The following ANK2 variants were observed in gnomAD, a reference collection of about 807,000 sequenced individuals.
ANK2 encodes the protein ankyrin 2.
ANK2 carries 83 observed loss-of-function variants against 360.5 expected under a neutral mutation model. That is an observed-to-expected ratio of 0.23 (90% confidence interval 0.19 to 0.28). The LOEUF is 0.28. ANK2 is among the 10% of genes least tolerant of loss of function. The pLI is 1.00. For missense variants in ANK2, 4,201 were observed against 4,795.7 expected (o/e 0.88, Z 3.66); for synonymous variants, 1,740 against 1,759.5 (o/e 0.99, Z 0.28).
At position 112,832,295 on chromosome 4, in the gene ANK2, C is replaced by T. The variant is rs149328204; in HGVS notation, c.-40+14031C>T. ...TTCTAAATCCTGGCCTCAAGTGATCCGCCTCCCTTGGCCTTCCAAAGTGCT... is the reference window on the plus strand; with the variant it reads ...TTCTAAATCCTGGCCTCAAGTGATCTGCCTCCCTTGGCCTTCCAAAGTGCT... On this transcript the variant is annotated intron_variant, in intron 1 of 30. Transcript: ENST00000503271. 2.6e-3 allele frequency among the ~76,000 whole-genome samples: 398 copies of T among 152,256 alleles called. 4 individuals are homozygous for T. The highest frequency in any genetic ancestry group is 9.1e-3 in the African/African-American group (380 of 41,548).
intron 1 of ANK2, among the ~76,000 whole-genome samples, chr4:113,060,338 A>T (rs1015917767): frequency 6.6e-6 from 1 of 152,272 alleles, no homozygotes; most frequent in Non-Finnish European, 1.5e-5. Flanking sequence ...GTATATCTAC[A>T]TGCCAGTCTA....
chr4:113,039,964 G>A (rs2062553306), intron 2 of ANK2, among the ~76,000 whole-genome samples: 1 of 151,854 alleles, frequency 6.6e-6, no homozygotes, highest in African/African-American at 2.4e-5. Context: ...AAAAAAATTT[G>A]CGATAACTTA....
At chr4:112,860,499 A>G (rs887170281) in intron 1 of ANK2, among the ~76,000 whole-genome samples, 2 of 152,166 alleles carry the variant, frequency 1.3e-5, no homozygotes, top group African/African-American at 4.8e-5. Context: ...AAAAACTGAG[A>G]AGATTGTTTA....
chr4:112,839,304 C>A (rs114079030), intron 1 of ANK2, among the ~76,000 whole-genome samples: 1,577 of 152,036 alleles, frequency 0.01, 27 homozygotes, highest in African/African-American at 0.036. Context: ...AATATAGTAT[C>A]AGCACTGTAA....
At chr4:112,848,375 TGGTC>T (rs932432668) in intron 1 of ANK2, among the ~76,000 whole-genome samples, 3 of 152,228 alleles carry the variant, frequency 2.0e-5, no homozygotes, top group Admixed American at 6.5e-5. Flanking sequence ...TTGGCTAGGC[TGGTC>T]TCAAACTCCT....
At chr4:112,802,952 A>G in the ANK2 span, among the ~76,000 whole-genome samples, 20,227 of 152,056 alleles carry the variant, frequency 0.13, 2,120 homozygotes, top group East Asian at 0.5. Flanking sequence ...CTGATGCTCA[A>G]CTGGTACTCA....
rs545495389 is a variant in ANK2 at position 113,270,062 on chromosome 4, G to T, written c.1486-4390G>T. On this transcript the variant is annotated intron_variant, in intron 14 of 45. Transcript: ENST00000357077. ...CTTCCCCTGCCATAACATTTTTCTGGTTTCCTTTTAAGGTTACCTGGCATT... is the reference window on the plus strand; with the variant it reads ...CTTCCCCTGCCATAACATTTTTCTGTTTTCCTTTTAAGGTTACCTGGCATT... Among the ~76,000 whole-genome samples the T allele has an allele frequency of 2.6e-5, 4 of 152,052 alleles. No individual in the cohort carries two copies. The South Asian group carries it at 8.3e-4, about 32-fold the overall frequency.
chr4:113,289,407 CTG>C (rs1426556205), intron 20 of ANK2, among the ~76,000 whole-genome samples: 1 of 151,870 alleles, frequency 6.6e-6, no homozygotes, highest in Non-Finnish European at 1.5e-5. Context: ...TGAGGTTTCA[CTG>C]TGTTGCCTAG....
At chr4:113,045,482 T>G (rs1486976100), upstream of ANK2, among the ~76,000 whole-genome samples, 1 of 152,210 alleles carries the variant, frequency 6.6e-6, no homozygotes, top group Non-Finnish European at 1.5e-5. Flanking sequence ...TTTCTTACTT[T>G]GGACAAGTCA....
chr4:113,346,900 G>A (rs1019242696), intron 35 of ANK2, among the ~76,000 whole-genome samples: 1 of 152,096 alleles, frequency 6.6e-6, no homozygotes, highest in African/African-American at 2.4e-5. Flanking sequence ...AAATGTTGTG[G>A]ATAATTTATG....
At chr4:113,120,134 T>C (rs114094830) in intron 1 of ANK2, among the ~76,000 whole-genome samples, 20 of 152,252 alleles carry the variant, frequency 1.3e-4, no homozygotes, top group African/African-American at 4.8e-4. Flanking sequence ...TTAAATATGG[T>C]ATAGTACCGA....
rs362504 is a variant in ANK2, at chr4:113,242,243, T to G, written c.891+34T>G. ...CTCTGTTCTTTCAATTTTCTACCAT[T>G]ATTATTTCTTTCAAGCCTCATAGAA... On this transcript the variant is annotated intron_variant, in intron 9 of 45. Coordinates refer to ENST00000357077, the MANE Select transcript of ANK2 (RefSeq NM_001148.6). 3,737 of 1,579,980 alleles carry G rather than the reference T, an allele frequency of 2.4e-3. 99 individuals are homozygous for G. In the East Asian group the frequency reaches 0.055, roughly 23 times the overall value.
intron 2 of ANK2, among the ~76,000 whole-genome samples, chr4:113,000,588 A>C (rs774673092): frequency 6.6e-6 from 1 of 152,188 alleles, no homozygotes; most frequent in East Asian, 1.9e-4. Flanking sequence ...CCGGTAAGTG[A>C]GTTACAAGTT....
chr4:113,282,687 C>T lies in ANK2; in HGVS notation c.1894C>T (p.Pro632Ser), dbSNP rs1327848108. The change falls in exon 18 of 46, where the codon CCG (proline) becomes TCG (serine). Residue 632 changes from proline to serine, a missense_variant. Transcript: ENST00000357077. The stretch of plus-strand genomic sequence containing the variant: ...TTGTTCTTTTTAGAATGGCTATACT[C>T]CGTTACATATTGCTGCCAAGAAGAA... Reference protein sequence around the residue: ...PHATAKNGYTPLHIAAKKNQM... With the variant: ...PHATAKNGYTSLHIAAKKNQM... The T allele has an allele frequency of 1.2e-6, 2 of 1,612,488 alleles. No individual in the cohort carries two copies. Among genetic ancestry groups the T allele is most frequent in the East Asian group, 2.2e-5 (1 of 44,874 alleles).
chr4:112,765,032 A>G, the ANK2 span, among the ~76,000 whole-genome samples: 4 of 152,192 alleles, frequency 2.6e-5, no homozygotes, highest in Non-Finnish European at 5.9e-5. Context: ...TAAGCACTTT[A>G]TAAATATTAA....
At chr4:112,950,932 A>G (rs1299403023) in intron 2 of ANK2, among the ~76,000 whole-genome samples, 3 of 150,764 alleles carry the variant, frequency 2.0e-5, no homozygotes, top group Admixed American at 1.3e-4. Context: ...AATACAAAAA[A>G]TTAGCCGGGC....
intron 1 of ANK2, among the ~76,000 whole-genome samples, chr4:113,127,082 A>G (rs1462136414): frequency 2.0e-5 from 3 of 151,540 alleles, no homozygotes; most frequent in Non-Finnish European, 2.9e-5. Flanking sequence ...GATGCTTCTT[A>G]GTTTTAATCA....
At chr4:113,343,210 T>C (rs2153984124) in intron 34 of ANK2, 68 bp downstream of exon 34, 1 of 1,559,980 alleles carries the variant, frequency 6.4e-7, no homozygotes, top group Non-Finnish European at 8.8e-7. Context: ...CTTCCTTTAG[T>C]AATAGAAAAT....
the ANK2 span, among the ~76,000 whole-genome samples, chr4:112,779,605 G>A: frequency 3.3e-5 from 5 of 152,090 alleles, no homozygotes; most frequent in Non-Finnish European, 7.4e-5. Flanking sequence ...CTTACACAAT[G>A]ATCTCAATTA....
Sources: gnomAD v4.1 joint callset for allele counts (sites outside exome capture counted in the v4.1 genomes callset) on GRCh38, gnomAD v4.1.1 for gene constraint, MANE v1.5 for transcripts, NCBI Gene and HGNC (gene_info 2026-07-23, HGNC 2026-07-21) for gene names.